The following SLC5A8 variants were observed in gnomAD, a reference collection of about 807,000 sequenced individuals.
The protein encoded by SLC5A8 is sodium-coupled monocarboxylate transporter 1.
A neutral mutation model predicts 71.9 loss-of-function variants in SLC5A8; 55 were observed. That is an observed-to-expected ratio of 0.77 (90% CI 0.62 to 0.96). SLC5A8 has a LOEUF of 0.96. SLC5A8 is among the 40% of genes least tolerant of loss of function. SLC5A8 has a pLI of 0.00. For missense variants in SLC5A8, 701 were observed against 745.3 expected, an observed-to-expected ratio of 0.94 and a Z score of 0.69; for synonymous variants, 307 against 276.1, an observed-to-expected ratio of 1.11 and a Z score of -1.11.
chr12:101,176,325 A>G (rs941048985), intron 10 of SLC5A8, among the ~76,000 whole-genome samples: 2 of 152,094 alleles, frequency 1.3e-5, no homozygotes, highest in East Asian at 3.8e-4. Context: ...AAAAACTGAT[A>G]GAACTAAAAG....
intron 2 of SLC5A8, 95 bp downstream of exon 2, chr12:101,204,405 T>C: frequency 9.4e-7 from 1 of 1,064,734 alleles, no homozygotes; most frequent in East Asian, 2.4e-5. Flanking sequence ...ATCTCTTTTT[T>C]GTCTTTTATG....
rs1014416558 is a variant in SLC5A8 at position 101,168,027 on chromosome 12, G to GA, written c.1320+68dup. On this transcript the variant is annotated intron_variant, in intron 11 of 14. Coordinates refer to ENST00000536262, the MANE Select transcript of SLC5A8 (RefSeq NM_145913.5). Reference sequence around the variant, plus strand: ...GACAAATCTCAAAGGAACCAACTGAGAAAAAAGTGTAGAGCTGCTAGTATA... The same window carrying GA: ...GACAAATCTCAAAGGAACCAACTGAGAAAAAAAGTGTAGAGCTGCTAGTATA... 1.3e-4 allele frequency: 186 copies of GA among 1,417,700 alleles called. 1 individual carries two copies. Among genetic ancestry groups the GA allele is most frequent in the Non-Finnish European group, 3.3e-5 (34 of 1,036,426 alleles). 87.8% of individuals were successfully genotyped at this position (1,417,700 alleles called of 1,614,324 possible). A position where few individuals can be genotyped will look rare whatever the true frequency, so the allele number is the denominator to read the frequency against.
At chr12:101,175,740 A>AT (rs2051874260) in intron 10 of SLC5A8, among the ~76,000 whole-genome samples, 1 of 152,046 alleles carries the variant, frequency 6.6e-6, no homozygotes, top group Non-Finnish European at 1.5e-5. Context: ...GTAGAAAAAT[A>AT]TTTTTTTAAC....
chr12:101,178,647 A>C (rs565620888), intron 10 of SLC5A8, among the ~76,000 whole-genome samples: 1 of 152,292 alleles, frequency 6.6e-6, no homozygotes, highest in African/African-American at 2.4e-5. Flanking sequence ...CATTTTATAC[A>C]AAATTAACTC....
At chr12:101,159,385 A>G (rs1236272029) in intron 13 of SLC5A8, among the ~76,000 whole-genome samples, 1 of 152,218 alleles carries the variant, frequency 6.6e-6, no homozygotes, top group East Asian at 1.9e-4. Flanking sequence ...TTTGTGATCT[A>G]CTTAGGAAAC....
chr12:101,159,336 T>C (rs1031134187), intron 13 of SLC5A8, among the ~76,000 whole-genome samples: 1 of 152,174 alleles, frequency 6.6e-6, no homozygotes, highest in South Asian at 2.1e-4. Context: ...TGCTAGGTGC[T>C]AGAGAAACAA....
At chr12:101,172,600 A>G (rs1053856868) in intron 10 of SLC5A8, among the ~76,000 whole-genome samples, 2 of 152,114 alleles carry the variant, frequency 1.3e-5, no homozygotes, top group Non-Finnish European at 2.9e-5. Context: ...TCTGGCTGCA[A>G]GGTCCTGTGT....
rs73391415 is a variant in SLC5A8, at chr12:101,159,235, A to G, written c.1631-907T>C. Among the ~76,000 whole-genome samples the G allele has an allele frequency of 2.3e-3, 348 of 152,148 alleles. 2 individuals carry two copies. The highest frequency in any genetic ancestry group is 8.3e-3 in the African/African-American group (345 of 41,428). The stretch of plus-strand genomic sequence containing the variant: ...ACTTTAGTACAAATACTAGACTTTT[A>G]ATTATGGGAACCTCTGCTGTTCTGG... On this transcript the variant is annotated intron_variant, in intron 13 of 14. Coordinates refer to ENST00000536262, the MANE Select transcript of SLC5A8 (RefSeq NM_145913.5).
intron 1 of SLC5A8, among the ~76,000 whole-genome samples, chr12:101,207,081 A>G (rs1053687742): frequency 6.6e-6 from 1 of 152,216 alleles, no homozygotes; most frequent in Non-Finnish European, 1.5e-5. Flanking sequence ...ACTCCACAGG[A>G]AAGTCTTTGC....
At chr12:101,194,549 T>A (rs1399434782) in intron 4 of SLC5A8, among the ~76,000 whole-genome samples, 1 of 152,232 alleles carries the variant, frequency 6.6e-6, no homozygotes, top group Non-Finnish European at 1.5e-5. Context: ...CACTGCAGCC[T>A]CAAATTCCTG....
In SLC5A8 at chr12:101,209,714, G is replaced by T. The variant is rs760291965; in HGVS notation, c.135C>A (p.Phe45Leu). The part of the protein sequence containing the change: ...AGGGQQTSKD[F>L]LMGGRRMTAV... ...CGGTCATTCTGCGGCCGCCCATCAGGAAGTCCTTGGAGGTCTGCTGGCCGC... is the reference window on the plus strand; with the variant it reads ...CGGTCATTCTGCGGCCGCCCATCAGTAAGTCCTTGGAGGTCTGCTGGCCGC... The change falls in exon 1 of 15, where the codon TTC (phenylalanine) becomes TTA (leucine). Residue 45 changes from phenylalanine (F) to leucine (L), a missense_variant. Phe to Leu is a conservative substitution (Grantham distance 22). Transcript: ENST00000536262. 3 of 1,613,204 alleles carry T rather than the reference G, an allele frequency of 1.9e-6. No individual in the cohort carries two copies. The highest frequency in any genetic ancestry group is 1.7e-6 in the Non-Finnish European group (2 of 1,180,022).
Position 101,210,011 on chromosome 12 carries a change from C to T in SLC5A8, c.-163G>A, listed in dbSNP as rs1869865213. The T allele has an allele frequency of 5.1e-6, 3 of 591,322 alleles. No homozygotes were observed. 36.6% of individuals were successfully genotyped at this position (591,322 alleles called of 1,614,324 possible). A position where few individuals can be genotyped will look rare whatever the true frequency, so the allele number is the denominator to read the frequency against. On this transcript the variant is annotated 5_prime_UTR_variant, in exon 1 of 15. Coordinates refer to ENST00000536262, the MANE Select transcript of SLC5A8 (RefSeq NM_145913.5). ...GTCGGCCTCCGAACGCACCCCGAGG[C>T]GGGGTGAGGGCTGGCAGTCGCCCCT...
rs1361742977 is a variant in SLC5A8, at chr12:101,166,631, A to G, written c.1389T>C (p.Tyr463=). 1 of 1,613,870 alleles carries G rather than the reference A, an allele frequency of 6.2e-7. No homozygotes were observed. Among genetic ancestry groups the G allele is most frequent in the African/African-American group, 1.3e-5 (1 of 75,054 alleles). Residue 463 remains tyrosine (Y), a synonymous_variant, in exon 12 of 15, where the codon TAT becomes TAC. Transcript: ENST00000536262. ...GCAATGTTCTCTCAGGAAGTGGAGG[A>G]TATATTTGAGCTCCAATTCCAACCC... ...SLWVGIGAQI[Y]PPLPERTLPL... is the part of the protein sequence containing the mutation.
chr12:101,196,953 A>G (rs933375795), intron 3 of SLC5A8, among the ~76,000 whole-genome samples: 3 of 152,208 alleles, frequency 2.0e-5, no homozygotes, highest in Non-Finnish European at 4.4e-5. Flanking sequence ...AAGTGAGTCC[A>G]ATATGCAGCC....
rs748990859 is a variant in SLC5A8 at position 101,166,601 on chromosome 12, C to T, written c.1419G>A (p.Leu473=). ...YPPLPERTLP[L]HLDIQGCNST... Reference sequence around the variant, plus strand: ...TGTTACAGCCTTGGATATCAAGGTGCAATGGCAATGTTCTCTCAGGAAGTG... The same window carrying T: ...TGTTACAGCCTTGGATATCAAGGTGTAATGGCAATGTTCTCTCAGGAAGTG... Residue 473 remains leucine, a synonymous_variant, in exon 12 of 15, where the codon TTG becomes TTA. Coordinates refer to ENST00000536262, the MANE Select transcript of SLC5A8 (RefSeq NM_145913.5). 1.7e-5 allele frequency: 28 copies of T among 1,613,842 alleles called. No homozygotes were observed. The East Asian group carries it at 5.1e-4, about 30-fold the overall frequency.
At chr12:101,202,052 G>A (rs118057229) in intron 3 of SLC5A8, 112 bp downstream of exon 3, 11,910 of 1,047,100 alleles carry the variant, frequency 0.011, 112 homozygotes, top group Admixed American at 0.018. Flanking sequence ...TAAAGCTGAT[G>A]CAGGTTACTA....
At chr12:101,158,598 C>CTCTCTCTCTCTCTCTATATA in intron 13 of SLC5A8, among the ~76,000 whole-genome samples, 1 of 21,246 alleles carries the variant, frequency 4.7e-5, no homozygotes, top group South Asian at 2.1e-3. Context: ...CTCTCTCTCT[C>CTCTCTCTCTCTCTCTATATA]TATATATATA....
At chr12:101,181,477 G>T (rs114299472) in intron 9 of SLC5A8, among the ~76,000 whole-genome samples, 1,655 of 152,256 alleles carry the variant, frequency 0.011, 32 homozygotes, top group African/African-American at 0.038. Context: ...TAGCAGAGTT[G>T]ATTTGTCATT....
At chr12:101,185,598 T>C (rs974517259) in intron 7 of SLC5A8, among the ~76,000 whole-genome samples, 8 of 152,138 alleles carry the variant, frequency 5.3e-5, no homozygotes, top group Middle Eastern at 3.2e-3. Context: ...TTGTTTGTTT[T>C]AAGGCAGTCT....
Sources: allele counts gnomAD v4.1 joint callset (sites outside exome capture counted in the v4.1 genomes callset), GRCh38; gene constraint gnomAD v4.1.1; transcripts MANE v1.5; gene names NCBI Gene and HGNC (gene_info 2026-07-23, HGNC 2026-07-21).